The following CTNNA1 variants were observed in gnomAD, a reference collection of about 807,000 sequenced individuals.
CTNNA1 encodes catenin alpha-1.
CTNNA1 carries 37 observed loss-of-function variants against 98.4 expected under a neutral mutation model. The ratio of observed to expected loss-of-function variants is 0.38; its 90% CI spans 0.29 to 0.49. The LOEUF (loss-of-function observed/expected upper bound fraction) is 0.49, where lower values mean the gene tolerates loss of function less well. Ranked by LOEUF, CTNNA1 falls within the 20% of genes least tolerant of loss-of-function variation. The pLI is 0.95. For synonymous variants in CTNNA1, 404 were observed against 413.2 expected, an observed-to-expected ratio of 0.98 and a Z score of 0.27; for missense variants, 761 against 1,147.2, an observed-to-expected ratio of 0.66 and a Z score of 4.86.
At chr5:138,799,699 A>T (rs956435001) in intron 3 of CTNNA1, among the ~76,000 whole-genome samples, 3 of 149,946 alleles carry the variant, frequency 2.0e-5, no homozygotes, top group Admixed American at 1.3e-4. Flanking sequence ...TTATTTATAT[A>T]CTTGTTTATA....
chr5:138,773,256 C>T (rs139306671), intron 1 of CTNNA1, among the ~76,000 whole-genome samples: 75 of 152,200 alleles, frequency 4.9e-4, no homozygotes, highest in African/African-American at 1.6e-3. Context: ...ACAAAGAAGA[C>T]GATACGAGCT....
At position 138,887,639 on chromosome 5, in the gene CTNNA1, T is replaced by A. The variant is rs755215402; in HGVS notation, c.1293T>A (p.Ile431=). ...QVFREHANKL[I]EVANLACSIS... is the part of the protein sequence containing the mutation. The stretch of plus-strand genomic sequence containing the variant: ...TCCGTGAACATGCCAACAAATTGAT[T>A]GAGGTAAGTGAATTAGCAGTTTCAT... The change falls in exon 9 of 18, where the codon ATT becomes ATA. Residue 431 remains isoleucine, a synonymous_variant. Transcript: ENST00000302763. 5 of 1,606,648 alleles carry A rather than the reference T, an allele frequency of 3.1e-6. No individual in the cohort carries two copies. In the Admixed American group the frequency reaches 6.9e-5, roughly 22 times the overall value.
chr5:138,825,449 C>A (rs1484900017), intron 6 of CTNNA1, among the ~76,000 whole-genome samples: 2 of 137,146 alleles, frequency 1.5e-5, no homozygotes, highest in Non-Finnish European at 3.0e-5. Context: ...ACCCACAGTG[C>A]CTCTTGGCTT....
chr5:138,917,034 A>G (rs1213690114), intron 10 of CTNNA1, among the ~76,000 whole-genome samples: 3 of 152,190 alleles, frequency 2.0e-5, no homozygotes, highest in African/African-American at 7.2e-5. Flanking sequence ...TTGGCCTCCC[A>G]AGTGTTGGGA....
rs1761358013 is a variant in CTNNA1 at position 138,914,713 on chromosome 5, T to A, written c.1390-3029T>A. On this transcript the variant is annotated intron_variant, in intron 10 of 17. Coordinates refer to ENST00000302763, the MANE Select transcript of CTNNA1 (RefSeq NM_001903.5). ...CATTCTTGAATACCCCTCCAATAAA[T>A]TGGGAATTACACCCATGATCCAAAG... Among the ~76,000 whole-genome samples, 3 of 152,090 alleles carry A rather than the reference T, an allele frequency of 2.0e-5. No homozygotes were observed. The South Asian group carries it at 6.2e-4, about 32-fold the overall frequency.
At chr5:138,758,225 G>A (rs1265315107) in intron 1 of CTNNA1, among the ~76,000 whole-genome samples, 1 of 151,122 alleles carries the variant, frequency 6.6e-6, no homozygotes, top group Non-Finnish European at 1.5e-5. Flanking sequence ...TTTTTGAGAT[G>A]GAGTCTTGCT....
intron 3 of CTNNA1, among the ~76,000 whole-genome samples, chr5:138,807,716 CTTG>C (rs1758242258): frequency 6.6e-6 from 1 of 151,970 alleles, no homozygotes; most frequent in Non-Finnish European, 1.5e-5. Flanking sequence ...CTTATTCTCT[CTTG>C]TTTGGTAGTA....
In CTNNA1 at chr5:138,810,141, T is replaced by C. The variant is rs751579059; in HGVS notation, c.405T>C (p.Val135=). The part of the protein sequence containing the change: ...VRAARALLSA[V]TRLLILADMA... ...CAGCTCGAGCTTTGCTCTCTGCTGT[T>C]ACCCGGTTGCTGATTTTGGCTGACA... Residue 135 remains valine (V), a synonymous_variant, in exon 4 of 18, where the codon GTT becomes GTC. Coordinates refer to ENST00000302763, the MANE Select transcript of CTNNA1 (RefSeq NM_001903.5). 1.9e-6 allele frequency: 3 copies of C among 1,614,204 alleles called. No individual in the cohort carries two copies. The highest frequency in any genetic ancestry group is 2.2e-5 in the South Asian group (2 of 91,086).
In CTNNA1 at chr5:138,889,558, C is replaced by T. The variant is rs535963103; in HGVS notation, c.1296+1916C>T. 7.9e-5 allele frequency among the ~76,000 whole-genome samples: 12 copies of T among 152,178 alleles called. No homozygotes were observed. The South Asian group carries it at 2.3e-3, about 29-fold the overall frequency. On this transcript the variant is annotated intron_variant, in intron 9 of 17. Coordinates refer to ENST00000302763, the MANE Select transcript of CTNNA1 (RefSeq NM_001903.5). ...GCGAGGAAGTATTGGAGACCTTGCTCCAGGAGCTTTTTCCAAGCTTATATA... is the reference window on the plus strand; with the variant it reads ...GCGAGGAAGTATTGGAGACCTTGCTTCAGGAGCTTTTTCCAAGCTTATATA...
rs1222830707 is a variant in CTNNA1, at chr5:138,873,106, A to G, written c.1063-13106A>G. The G allele has an allele frequency of 1.9e-6, 3 of 1,613,966 alleles. No homozygotes were observed. The highest frequency in any genetic ancestry group is 3.3e-5 in the Admixed American group (2 of 60,020). On this transcript the variant is annotated intron_variant, in intron 7 of 17. Coordinates refer to ENST00000302763, the MANE Select transcript of CTNNA1 (RefSeq NM_001903.5). This position sits in a 1 kb window ranked among gnomAD's most constrained non-coding sequence, Gnocchi z 6.1. Reference sequence around the variant, plus strand: ...GTCCTTCATGGGTGGGTTCATATTCATTATACGGTCCTTGGTCTGACATGT... The same window carrying G: ...GTCCTTCATGGGTGGGTTCATATTCGTTATACGGTCCTTGGTCTGACATGT...
chr5:138,857,185 G>C (rs1763800653), intron 7 of CTNNA1, among the ~76,000 whole-genome samples: 2 of 152,080 alleles, frequency 1.3e-5, no homozygotes. Flanking sequence ...TGCAAAACAA[G>C]AAAAATTGCC....
At chr5:138,805,700 C>T (rs1289097588) in intron 3 of CTNNA1, among the ~76,000 whole-genome samples, 1 of 151,752 alleles carries the variant, frequency 6.6e-6, no homozygotes, top group Non-Finnish European at 1.5e-5. Flanking sequence ...GTCCTCCTGC[C>T]TCAGCCTCTC....
chr5:138,755,371 G>A (rs562085645), intron 1 of CTNNA1, among the ~76,000 whole-genome samples: 83 of 152,258 alleles, frequency 5.5e-4, no homozygotes, highest in African/African-American at 1.9e-3. Context: ...GTCATGAGAA[G>A]CATAAAAGGG....
chr5:138,812,137 C>A (rs767383317), intron 4 of CTNNA1, 46 bp from the exon 5 acceptor site: 2 of 1,579,384 alleles, frequency 1.3e-6, no homozygotes, highest in East Asian at 2.2e-5. Flanking sequence ...TCTTTACAGA[C>A]CTACATTCAG....
chr5:138,915,432 G>C (rs542932978), intron 10 of CTNNA1, among the ~76,000 whole-genome samples: 1 of 152,212 alleles, frequency 6.6e-6, no homozygotes, highest in African/African-American at 2.4e-5. Flanking sequence ...AAAATAACAA[G>C]TGTTAGGGAA....
intron 1 of CTNNA1, among the ~76,000 whole-genome samples, chr5:138,765,203 G>A (rs1752797600): frequency 6.6e-6 from 1 of 152,048 alleles, no homozygotes; most frequent in East Asian, 1.9e-4. Context: ...ACCACGCCCA[G>A]CTAATTTTCA....
intron 1 of CTNNA1, among the ~76,000 whole-genome samples, chr5:138,773,269 A>G (rs1222706326): frequency 6.6e-6 from 1 of 152,248 alleles, no homozygotes; most frequent in Non-Finnish European, 1.5e-5. Context: ...TACGAGCTAA[A>G]ATAAAATTAA....
intron 9 of CTNNA1, among the ~76,000 whole-genome samples, chr5:138,897,422 T>C (rs1363121018): frequency 6.6e-6 from 1 of 151,604 alleles, no homozygotes; most frequent in Non-Finnish European, 1.5e-5. Context: ...ATTATAACTT[T>C]TATTCCGTAG....
chr5:138,776,942 CGGGGGGCTG>C, intron 1 of CTNNA1, among the ~76,000 whole-genome samples: 1 of 133,462 alleles, frequency 7.5e-6, no homozygotes, highest in South Asian at 2.4e-4. Context: ...GCTGGCCGGG[CGGGGGGCTG>C]ACTCCCCCAC....
Sources: gnomAD v4.1 joint callset for allele counts (sites outside exome capture counted in the v4.1 genomes callset) on GRCh38, gnomAD v4.1.1 for gene constraint, Gnocchi (gnomAD v3.1) non-coding constraint, MANE v1.5 for transcripts, NCBI Gene and HGNC (gene_info 2026-07-23, HGNC 2026-07-21) for gene names.